PTCD3: variants seen among roughly 807,000 people sequenced by gnomAD.
PTCD3 encodes small ribosomal subunit protein mS39.
Under a neutral mutation model 101.9 loss-of-function variants are expected in PTCD3, and 89 were observed. The observed-to-expected ratio is 0.87, with a 90% CI of 0.74 to 1.04. PTCD3 has a LOEUF of 1.04. Among genes scored for constraint, PTCD3 ranks in the 50% least tolerant of loss-of-function variants. The pLI is 0.00. For synonymous variants in PTCD3, 296 were observed against 278.5 expected (o/e 1.06, Z -0.63); for missense variants, 870 against 828.2 (o/e 1.05, Z -0.62).
In PTCD3 at chr2:86,138,849, A is replaced by G. The variant is rs1379088160; in HGVS notation, c.*1290A>G. On this transcript the variant is annotated 3_prime_UTR_variant, in exon 24 of 24. Transcript: ENST00000254630. ...GTTAACTCGGTCCCTTCCTGTCTCTAGTTCATCAGCACCTGCAGATGCCTG... is the reference window on the plus strand; with the variant it reads ...GTTAACTCGGTCCCTTCCTGTCTCTGGTTCATCAGCACCTGCAGATGCCTG... The G allele has an allele frequency of 6.6e-6, 1 of 152,200 alleles. No individual in the cohort carries two copies. Among genetic ancestry groups the G allele is most frequent in the East Asian group, 1.9e-4 (1 of 5,188 alleles). 9.4% of individuals were successfully genotyped at this position (152,200 alleles called of 1,614,324 possible).
chr2:86,107,089 A>C (rs1255026936), intron 1 of PTCD3: 1 of 470,514 alleles, frequency 2.1e-6, no homozygotes, highest in Non-Finnish European at 4.4e-6. Flanking sequence ...TGTAATTTAC[A>C]ATATGTTTTT....
At chr2:86,117,615 T>A (rs1338535384) in intron 6 of PTCD3, among the ~76,000 whole-genome samples, 4 of 151,810 alleles carry the variant, frequency 2.6e-5, no homozygotes, top group Non-Finnish European at 5.9e-5. Context: ...GCCTGGCTGA[T>A]TTTTTTTAAT....
rs1352124927 is a variant in PTCD3, at chr2:86,119,008, G to A, written c.502G>A (p.Ala168Thr). ...ACGAATTGAGCTCAGAAAAGTCAAA[G>A]CCTCTGTGGACATGTTTGATCAGCT... ...KERIELRKVKASVDMFDQLLQ... is the reference protein window; with the variant it reads ...KERIELRKVKTSVDMFDQLLQ... The change falls in exon 7 of 24, where the codon GCC (alanine) becomes ACC (threonine). Residue 168 changes from alanine (A) to threonine (T), a missense_variant. By Grantham distance (58) the Ala-to-Thr change is moderately conservative (BLOSUM62 0). Coordinates refer to ENST00000254630, the MANE Select transcript of PTCD3 (RefSeq NM_017952.6). 1 of 1,614,064 alleles carries A rather than the reference G, an allele frequency of 6.2e-7. No homozygotes were observed.
intron 4 of PTCD3, among the ~76,000 whole-genome samples, chr2:86,113,579 G>C (rs1302675083): frequency 6.6e-6 from 1 of 152,156 alleles, no homozygotes; most frequent in Non-Finnish European, 1.5e-5. Flanking sequence ...GTCAAGGCGG[G>C]TGGATCCTGT....
chr2:86,110,097 TAGTG>T (rs1445892556), intron 3 of PTCD3, among the ~76,000 whole-genome samples: 1 of 152,194 alleles, frequency 6.6e-6, no homozygotes, highest in African/African-American at 2.4e-5. Flanking sequence ...GAAAGAGAAT[TAGTG>T]AGTAATCTGA....
rs924682812 is a variant in PTCD3 at position 86,141,535 on chromosome 2, A to G, written c.*3976A>G. On this transcript the variant is annotated 3_prime_UTR_variant, in exon 24 of 24. Transcript: ENST00000254630. Reference sequence around the variant, plus strand: ...TAAGAGAACAGGGGATTTAAATACAAAGGAATATGAAGGTGGTGTGCCTTA... The same window carrying G: ...TAAGAGAACAGGGGATTTAAATACAGAGGAATATGAAGGTGGTGTGCCTTA... 7 of 152,220 alleles carry G rather than the reference A, an allele frequency of 4.6e-5. No individual in the cohort carries two copies. Among genetic ancestry groups the G allele is most frequent in the African/African-American group, 1.7e-4 (7 of 41,452 alleles). 9.4% of individuals were successfully genotyped at this position (152,220 alleles called of 1,614,324 possible).
Position 86,127,198 on chromosome 2 carries a change from C to G in PTCD3, c.989C>G (p.Pro330Arg). 1 of 1,613,494 alleles carries G rather than the reference C, an allele frequency of 6.2e-7. No individual in the cohort carries two copies. Among genetic ancestry groups the G allele is most frequent in the Non-Finnish European group, 8.5e-7 (1 of 1,179,714 alleles). The change falls in exon 13 of 24, where the codon CCA (proline) becomes CGA (arginine). Residue 330 changes from proline (P) to arginine (R), a missense_variant. Physicochemically the swap from Pro to Arg is moderately radical, Grantham distance 103 (BLOSUM62 -2). Transcript: ENST00000254630. ...LRHMVAQKVKPNLQTFNTILK... is the reference protein window; with the variant it reads ...LRHMVAQKVKRNLQTFNTILK... ...CACATGGTTGCACAGAAGGTGAAAC[C>G]AAATCTTCAGACTTTTAATACCATT...
intron 4 of PTCD3, among the ~76,000 whole-genome samples, chr2:86,112,408 T>C (rs1200851478): frequency 6.7e-5 from 10 of 148,930 alleles, no homozygotes; most frequent in Admixed American, 3.4e-4. Flanking sequence ...GTGGCTCACA[T>C]CTGTAATCCC....
intron 4 of PTCD3, among the ~76,000 whole-genome samples, chr2:86,113,068 G>T (rs955210714): frequency 6.6e-6 from 1 of 152,132 alleles, no homozygotes; most frequent in African/African-American, 2.4e-5. Flanking sequence ...TGATACTTCT[G>T]TTTCCTGACT....
chr2:86,136,149 G>A, intron 21 of PTCD3: 1 of 439,368 alleles, frequency 2.3e-6, no homozygotes, highest in Non-Finnish European at 4.4e-6. Context: ...TCCTCTACAA[G>A]AGGACAAATA....
intron 21 of PTCD3, 173 bp downstream of exon 21, chr2:86,135,160 A>G: frequency 1.7e-6 from 1 of 587,464 alleles, no homozygotes; most frequent in Non-Finnish European, 2.9e-6. Context: ...TGCATGATGT[A>G]GTTGAGATAA....
chr2:86,133,035 C>T, intron 17 of PTCD3, 143 bp from the exon 18 acceptor site: 2 of 1,373,586 alleles, frequency 1.5e-6, no homozygotes, highest in East Asian at 2.5e-5. Flanking sequence ...AGCTCTTAAA[C>T]CAAATATTGG....
intron 10 of PTCD3, 120 bp from the exon 11 acceptor site, chr2:86,125,335 T>C (rs1674364267): frequency 1.7e-6 from 2 of 1,175,130 alleles, no homozygotes; most frequent in Non-Finnish European, 2.5e-6. Flanking sequence ...GAGTATGAGC[T>C]TCATGAGAAC....
At chr2:86,131,374 C>A (rs1424408594) in intron 16 of PTCD3, among the ~76,000 whole-genome samples, 2 of 152,096 alleles carry the variant, frequency 1.3e-5, no homozygotes, top group Non-Finnish European at 2.9e-5. Flanking sequence ...GCTGGGACTA[C>A]AGGTGTGCGC....
In PTCD3 at chr2:86,132,381, A is replaced by T; in HGVS notation, c.1330A>T (p.Asn444Tyr). ...ACATGGCCTTTTAAAAACCGGAGAC[A>T]ACTGGAAATTCATTGGACCTGATCA... ...QVHGLLKTGD[N>Y]WKFIGPDQHR... The change falls in exon 17 of 24, where the codon AAC becomes TAC. Residue 444 changes from asparagine to tyrosine, a missense_variant. Coordinates refer to ENST00000254630, the MANE Select transcript of PTCD3 (RefSeq NM_017952.6). 6.2e-7 allele frequency: 1 copy of T among 1,609,010 alleles called. No homozygotes were observed. Among genetic ancestry groups the T allele is most frequent in the African/African-American group, 1.3e-5 (1 of 74,924 alleles).
rs749377660 is a variant in PTCD3, at chr2:86,133,397, G to T, written c.1504G>T (p.Val502Leu). 1 of 1,614,136 alleles carries T rather than the reference G, an allele frequency of 6.2e-7. No individual in the cohort carries two copies. Among genetic ancestry groups the T allele is most frequent in the East Asian group, 2.2e-5 (1 of 44,878 alleles). ...TMIHLLQALD[V>L]ANRLEVIPKI... ...GATACATCTTCTCCAAGCATTGGATGTGGCCAATCGGCTAGAAGTGATTCC... is the reference window on the plus strand; with the variant it reads ...GATACATCTTCTCCAAGCATTGGATTTGGCCAATCGGCTAGAAGTGATTCC... The change falls in exon 19 of 24, where the codon GTG (valine) becomes TTG (leucine). Residue 502 changes from valine (V) to leucine (L), a missense_variant. By Grantham distance (32) the Val-to-Leu change is conservative. Coordinates refer to ENST00000254630, the MANE Select transcript of PTCD3 (RefSeq NM_017952.6).
Position 86,134,324 on chromosome 2 carries a change from G to T in PTCD3, c.1576G>T (p.Asp526Tyr). 6.2e-7 allele frequency: 1 copy of T among 1,613,414 alleles called. No individual in the cohort carries two copies. The highest frequency in any genetic ancestry group is 1.1e-5 in the South Asian group (1 of 91,026). The change falls in exon 20 of 24, where the codon GAC (aspartate) becomes TAC (tyrosine). Residue 526 changes from aspartate (D) to tyrosine (Y), a missense_variant. Physicochemically the swap from Asp to Tyr is radical, Grantham distance 160. Coordinates refer to ENST00000254630, the MANE Select transcript of PTCD3 (RefSeq NM_017952.6). ...SKEYGHTFRS[D>Y]LREEILMLMA... ...AGAATATGGTCATACTTTCCGCAGTGACCTGAGAGAAGAGATCCTGATGCT... is the reference window on the plus strand; with the variant it reads ...AGAATATGGTCATACTTTCCGCAGTTACCTGAGAGAAGAGATCCTGATGCT...
chr2:86,109,793 T>A (rs919183924), intron 3 of PTCD3, among the ~76,000 whole-genome samples: 1 of 152,242 alleles, frequency 6.6e-6, no homozygotes, highest in Non-Finnish European at 1.5e-5. Flanking sequence ...TGGATAATTT[T>A]AAAAGGTTAT....
chr2:86,106,611 A>G (rs943866634), intron 1 of PTCD3, among the ~76,000 whole-genome samples: 3 of 152,234 alleles, frequency 2.0e-5, no homozygotes, highest in African/African-American at 7.2e-5. Context: ...CCCTGCTCTC[A>G]TGAAGCTTGC....
Sources: allele counts gnomAD v4.1 joint callset (sites outside exome capture counted in the v4.1 genomes callset), GRCh38; gene constraint gnomAD v4.1.1; transcripts MANE v1.5; gene names NCBI Gene and HGNC (gene_info 2026-07-23, HGNC 2026-07-21).